DOCK10: variants seen among roughly 807,000 people sequenced by gnomAD.
DOCK10 encodes the protein dedicator of cytokinesis 10.
DOCK10 carries 145 observed loss-of-function variants against 280.1 expected under a neutral mutation model. The ratio of observed to expected loss-of-function variants is 0.52; its 90% CI spans 0.45 to 0.59. DOCK10 has a LOEUF of 0.59. Ranked by LOEUF, DOCK10 falls within the 20% of genes least tolerant of loss-of-function variation. DOCK10 has a pLI of 0.00. For missense variants in DOCK10, 2,368 were observed against 2,651.7 expected (o/e 0.89, Z 2.35); for synonymous variants, 915 against 942.2 (o/e 0.97, Z 0.53).
At chr2:224,852,791 C>T in intron 17 of DOCK10, 144 bp downstream of exon 17, 1 of 619,144 alleles carries the variant, frequency 1.6e-6, no homozygotes, top group South Asian at 3.7e-5. Context: ...CTCATCAGTG[C>T]CTCTTACTAA....
chr2:225,001,110 T>C (rs1473631069), intron 1 of DOCK10, among the ~76,000 whole-genome samples: 1 of 152,224 alleles, frequency 6.6e-6, no homozygotes, highest in Non-Finnish European at 1.5e-5. Flanking sequence ...TGGGCAGTGA[T>C]ATTTTATCAG....
Position 224,807,968 on chromosome 2 carries a change from T to C in DOCK10, c.3528A>G (p.Leu1176=). 1.9e-6 allele frequency: 3 copies of C among 1,612,992 alleles called. No homozygotes were observed. Among genetic ancestry groups the C allele is most frequent in the Non-Finnish European group, 2.5e-6 (3 of 1,179,416 alleles). ...TAGCCATTAGATTTTTTAGGACAGC[T>C]AAAGCTAAGTGTCTGACATCTTGGT... ...QEDQDVRHLA[L]AVLKNLMAKH... The change falls in exon 32 of 56, where the codon TTA becomes TTG. Residue 1176 remains leucine, a synonymous_variant. Coordinates refer to ENST00000258390, the MANE Select transcript of DOCK10 (RefSeq NM_014689.3).
chr2:224,858,474 T>C (rs897993286), intron 14 of DOCK10, among the ~76,000 whole-genome samples: 4 of 152,122 alleles, frequency 2.6e-5, no homozygotes, highest in South Asian at 2.1e-4. Flanking sequence ...CTGGTTAACA[T>C]GGTGAAACCC....
chr2:224,934,231 T>A (rs1702556359), intron 1 of DOCK10, among the ~76,000 whole-genome samples: 1 of 152,194 alleles, frequency 6.6e-6, no homozygotes, highest in Non-Finnish European at 1.5e-5. Context: ...TTTCAGGCTA[T>A]GACATCAATT....
intron 1 of DOCK10, among the ~76,000 whole-genome samples, chr2:224,965,381 G>A (rs966108260): frequency 4.6e-4 from 70 of 152,144 alleles, no homozygotes; most frequent in African/African-American, 1.7e-3. Flanking sequence ...ACCCTTTCAA[G>A]GTCAATGTTC....
At chr2:224,821,932 T>A (rs1192529289) in intron 28 of DOCK10, among the ~76,000 whole-genome samples, 1 of 152,052 alleles carries the variant, frequency 6.6e-6, no homozygotes, top group Non-Finnish European at 1.5e-5. Context: ...AGACAAAACC[T>A]TGAAGAAAAA....
intron 1 of DOCK10, among the ~76,000 whole-genome samples, chr2:224,937,873 T>G (rs1205861074): frequency 6.6e-6 from 1 of 152,200 alleles, no homozygotes; most frequent in Non-Finnish European, 1.5e-5. Flanking sequence ...GCAGATACTT[T>G]GAATATCTTT....
At chr2:224,991,124 T>G (rs1706117506) in intron 1 of DOCK10, among the ~76,000 whole-genome samples, 1 of 152,206 alleles carries the variant, frequency 6.6e-6, no homozygotes, top group Non-Finnish European at 1.5e-5. Flanking sequence ...GCTGAAAGCT[T>G]CTTCAAGGGG....
At chr2:224,953,547 G>A (rs2126130762) in intron 1 of DOCK10, among the ~76,000 whole-genome samples, 1 of 152,296 alleles carries the variant, frequency 6.6e-6, no homozygotes, top group Admixed American at 6.5e-5. Context: ...ACTGCTTCCT[G>A]CTAGAAAGGT....
chr2:224,781,612 G>A (rs1234075382), intron 50 of DOCK10, among the ~76,000 whole-genome samples: 1 of 152,298 alleles, frequency 6.6e-6, no homozygotes, highest in Non-Finnish European at 1.5e-5. Flanking sequence ...TTTTGCTTTA[G>A]CCCCAAGGTT....
intron 1 of DOCK10, among the ~76,000 whole-genome samples, chr2:224,947,955 A>G (rs1045701968): frequency 6.6e-6 from 1 of 152,248 alleles, no homozygotes; most frequent in East Asian, 1.9e-4. Flanking sequence ...TACATTTATT[A>G]TGCTTAACAA....
rs753572435 is a variant in DOCK10 at position 224,841,888 on chromosome 2, A to G, written c.2577T>C (p.His859=). ...GGCACTCTTGGAAAAATGCATTCAC[A>G]TGTGGATCCTACAACAGCAAAAAAA... ...VVSTVNTQDP[H]VNAFFQECQK... Residue 859 remains histidine (H), a synonymous_variant, in exon 23 of 56, where the codon CAT becomes CAC. Transcript: ENST00000258390. The G allele has an allele frequency of 7.5e-6, 12 of 1,610,668 alleles. No homozygotes were observed. Among genetic ancestry groups the G allele is most frequent in the Middle Eastern group, 1.6e-4 (1 of 6,072 alleles).
intron 1 of DOCK10, among the ~76,000 whole-genome samples, chr2:225,000,165 T>C (rs1344128116): frequency 2.6e-5 from 4 of 152,042 alleles, no homozygotes; most frequent in Non-Finnish European, 5.9e-5. Flanking sequence ...CTATCATTTA[T>C]AAAGCAGCAT....
chr2:224,952,742 G>C (rs912291649), intron 1 of DOCK10, among the ~76,000 whole-genome samples: 2 of 151,418 alleles, frequency 1.3e-5, no homozygotes, highest in Non-Finnish European at 2.9e-5. Flanking sequence ...ACAGGCGCCC[G>C]CCACTACGCC....
chr2:225,023,194 C>T (rs1397786713), intron 1 of DOCK10, among the ~76,000 whole-genome samples: 4 of 152,094 alleles, frequency 2.6e-5, no homozygotes, highest in Admixed American at 6.6e-5. Flanking sequence ...CACCACCACG[C>T]CTGGCTGATT....
At chr2:224,829,503 C>T (rs1346961380) in intron 27 of DOCK10, among the ~76,000 whole-genome samples, 1 of 152,128 alleles carries the variant, frequency 6.6e-6, no homozygotes, top group Non-Finnish European at 1.5e-5. Context: ...TATGATTTAC[C>T]CTCCACGTGG....
chr2:224,802,682 T>C (rs1248540176), intron 39 of DOCK10, among the ~76,000 whole-genome samples: 1 of 152,164 alleles, frequency 6.6e-6, no homozygotes, highest in East Asian at 1.9e-4. Flanking sequence ...AGTGTTACTG[T>C]GGAAATAGGA....
At chr2:224,814,453 A>G in intron 30 of DOCK10, 89 bp from the exon 31 acceptor site, 1 of 581,582 alleles carries the variant, frequency 1.7e-6, no homozygotes, top group Non-Finnish European at 2.8e-6. Context: ...ATACTGAACA[A>G]TTAAACTATA....
chr2:224,961,460 T>TTCTTTCTTTCTTTCTTTCTTTC, intron 1 of DOCK10, among the ~76,000 whole-genome samples: 1 of 132,986 alleles, frequency 7.5e-6, no homozygotes, highest in African/African-American at 2.7e-5. Flanking sequence ...CTTTCTTTCT[T>TTCTTTCTTTCTTTCTTTCTTTC]TCTTTCTTTT....
Sources: gnomAD v4.1 joint callset for allele counts (sites outside exome capture counted in the v4.1 genomes callset) on GRCh38, gnomAD v4.1.1 for gene constraint, MANE v1.5 for transcripts, NCBI Gene and HGNC (gene_info 2026-07-23, HGNC 2026-07-21) for gene names.